BAG3: variants seen among roughly 807,000 people sequenced by gnomAD.
The protein encoded by BAG3 is BAG cochaperone 3.
Under a neutral mutation model 40.5 loss-of-function variants are expected in BAG3, and 14 were observed. The observed-to-expected ratio is 0.35, with a 90% CI of 0.23 to 0.54. The LOEUF is 0.54. BAG3 is among the 20% of genes least tolerant of loss of function. The pLI, the probability that BAG3 is intolerant of heterozygous loss-of-function variation, is 0.91. For synonymous variants in BAG3, 302 were observed against 307.8 expected, an observed-to-expected ratio of 0.98 and a Z score of 0.20; for missense variants, 788 against 758.6, an observed-to-expected ratio of 1.04 and a Z score of -0.46.
intron 1 of BAG3, among the ~76,000 whole-genome samples, chr10:119,659,915 C>T (rs760684603): frequency 7.2e-5 from 11 of 152,082 alleles, no homozygotes; most frequent in Non-Finnish European, 1.6e-4. Context: ...CAGGTGGCTC[C>T]GCTCTTTTTT....
chr10:119,653,134 A>C (rs567417881), intron 1 of BAG3, among the ~76,000 whole-genome samples: 1 of 152,330 alleles, frequency 6.6e-6, no homozygotes, highest in South Asian at 2.1e-4. Context: ...AATATTGATA[A>C]AACTCCGGTG....
rs1175160316 is a variant in BAG3 at position 119,672,996 on chromosome 10, C to T, written c.909+340C>T. Among the ~76,000 whole-genome samples the T allele has an allele frequency of 3.3e-5, 5 of 152,140 alleles. No homozygotes were observed. Among genetic ancestry groups the T allele is most frequent in the Non-Finnish European group, 7.4e-5 (5 of 68,026 alleles). On this transcript the variant is annotated intron_variant, in intron 3 of 3. Transcript: ENST00000369085. This position sits in a 1 kb window ranked among gnomAD's most constrained non-coding sequence, Gnocchi z 4.8. ...GGGCTCTTCACACCCCCATCCACAC[C>T]GCAGCCACAGCCTCACCTTGGGTGT... is the stretch of plus-strand genomic sequence containing the variant.
intron 1 of BAG3, among the ~76,000 whole-genome samples, chr10:119,668,834 A>G (rs549136498): frequency 1.3e-5 from 2 of 152,268 alleles, no homozygotes; most frequent in Non-Finnish European, 2.9e-5. Context: ...ATTCGGGGCC[A>G]TCAAGATAGG....
chr10:119,665,000 C>T lies in BAG3; in HGVS notation c.181-4851C>T, dbSNP rs1452928507. ...ATGGTGTGATCTTAGCTCACTGCAA[C>T]CTCCGCCTCCAGCTTCAAGCGATTC... On this transcript the variant is annotated intron_variant, in intron 1 of 3. Transcript: ENST00000369085. 4.0e-5 allele frequency among the ~76,000 whole-genome samples: 6 copies of T among 151,596 alleles called. No homozygotes were observed. The East Asian group carries it at 1.2e-3, about 29-fold the overall frequency.
chr10:119,652,479 GTAT>G (rs1846857006), intron 1 of BAG3, among the ~76,000 whole-genome samples: 1 of 152,186 alleles, frequency 6.6e-6, no homozygotes, highest in Non-Finnish European at 1.5e-5. Context: ...AATTAAAATT[GTAT>G]TATTGTTTGA....
rs201487919 is a variant in BAG3 at position 119,672,321 on chromosome 10, G to T, written c.574G>T (p.Gly192Cys). 6.8e-6 allele frequency: 11 copies of T among 1,613,992 alleles called. No individual in the cohort carries two copies. In the South Asian group the frequency reaches 1.1e-4, roughly 16 times the overall value. The change falls in exon 3 of 4, where the codon GGC becomes TGC. Residue 192 changes from glycine (G) to cysteine (C), a missense_variant. Coordinates refer to ENST00000369085, the MANE Select transcript of BAG3 (RefSeq NM_004281.4). This position sits in a 1 kb window ranked among gnomAD's most constrained non-coding sequence, Gnocchi z 4.8. ...SSSSASLPSS[G>C]RSSLGSHQLP... The stretch of plus-strand genomic sequence containing the variant: ...CTCCTCGGCCAGCCTGCCTTCCTCC[G>T]GCAGGAGCAGCCTGGGCAGTCACCA...
intron 1 of BAG3, among the ~76,000 whole-genome samples, chr10:119,659,383 A>AT (rs1334669061): frequency 6.6e-6 from 1 of 152,138 alleles, no homozygotes; most frequent in Non-Finnish European, 1.5e-5. Flanking sequence ...GCTGCCTGTG[A>AT]GGGGGGACAT....
intron 2 of BAG3, among the ~76,000 whole-genome samples, chr10:119,671,525 C>T (rs1316788438): frequency 5.3e-5 from 8 of 152,120 alleles, no homozygotes; most frequent in African/African-American, 1.2e-4. Context: ...GTTGCTCAGC[C>T]GAGTTCTCTG....
At chr10:119,662,930 G>A (rs1589625311) in intron 1 of BAG3, among the ~76,000 whole-genome samples, 1 of 152,316 alleles carries the variant, frequency 6.6e-6, no homozygotes, top group African/African-American at 2.4e-5. Flanking sequence ...CAGGAGAGTG[G>A]CGTGAACGCG....
intron 1 of BAG3, among the ~76,000 whole-genome samples, chr10:119,668,617 A>T (rs1847099890): frequency 6.6e-6 from 1 of 152,238 alleles, no homozygotes; most frequent in Admixed American, 6.5e-5. Context: ...GTGACTGGCC[A>T]GCCTTGTTGT....
At chr10:119,675,696 GCT>G (rs1564775793) in intron 3 of BAG3, among the ~76,000 whole-genome samples, 1 of 151,982 alleles carries the variant, frequency 6.6e-6, no homozygotes, top group Non-Finnish European at 1.5e-5. Context: ...TCAGGACTCT[GCT>G]CTGAGTCAGC....
chr10:119,670,335 A>G (rs983833661), intron 2 of BAG3, among the ~76,000 whole-genome samples, 158 bp downstream of exon 2: 1 of 152,194 alleles, frequency 6.6e-6, no homozygotes, highest in African/African-American at 2.4e-5. Flanking sequence ...CAGCAAAGAC[A>G]GGGTGATGGC....
chr10:119,674,539 A>C (rs776220740), intron 3 of BAG3, among the ~76,000 whole-genome samples: 6 of 152,250 alleles, frequency 3.9e-5, no homozygotes, highest in Admixed American at 6.5e-5. Flanking sequence ...ACCAAACTGA[A>C]CGTTATAGTG....
chr10:119,662,570 AAT>A (rs1421807743), intron 1 of BAG3, among the ~76,000 whole-genome samples: 4 of 152,212 alleles, frequency 2.6e-5, no homozygotes, highest in Admixed American at 2.6e-4. Context: ...AAACCCAGTT[AAT>A]ACAGTCTGTG....
chr10:119,670,246 C>A, intron 2 of BAG3, 69 bp downstream of exon 2: 1 of 1,511,570 alleles, frequency 6.6e-7, no homozygotes, highest in Non-Finnish European at 8.8e-7. Flanking sequence ...CGGGCCCATC[C>A]CCTCAGGACA....
chr10:119,665,141 T>TTTTTTTTTTTC lies in BAG3; in HGVS notation c.181-4710_181-4709insTTTTTTTTTTC, dbSNP rs770421648. ...GTGTGTGTGTGTATATATATATATA[T>TTTTTTTTTTTC]ATATTTTTTTTTTTAGTTGGAGTCT... On this transcript the variant is annotated intron_variant, in intron 1 of 3. Coordinates refer to ENST00000369085, the MANE Select transcript of BAG3 (RefSeq NM_004281.4). 9.1e-4 allele frequency among the ~76,000 whole-genome samples: 78 copies of TTTTTTTTTTTC among 85,888 alleles called. 1 individual carries two copies. The highest frequency in any genetic ancestry group is 3.2e-3 in the African/African-American group (70 of 22,112). The allele number at this position is 85,888 out of a possible 152,430, so 56.3% of individuals were successfully genotyped here. A position where few individuals can be genotyped will look rare whatever the true frequency, so the allele number is the denominator to read the frequency against.
intron 1 of BAG3, among the ~76,000 whole-genome samples, chr10:119,664,838 A>C (rs1240188391): frequency 6.6e-6 from 1 of 152,202 alleles, no homozygotes; most frequent in Non-Finnish European, 1.5e-5. Context: ...TTTACAAAAT[A>C]TCTCTCTTTG....
intron 1 of BAG3, among the ~76,000 whole-genome samples, chr10:119,653,108 C>T (rs1324499656): frequency 1.3e-5 from 2 of 152,198 alleles, no homozygotes; most frequent in African/African-American, 2.4e-5. Flanking sequence ...CATCTTTATG[C>T]ACTTTTTGTT....
At chr10:119,660,805 C>T (rs1355189926) in intron 1 of BAG3, among the ~76,000 whole-genome samples, 1 of 150,984 alleles carries the variant, frequency 6.6e-6, no homozygotes, top group Admixed American at 6.6e-5. Flanking sequence ...TAAAGAAATG[C>T]AATTGTGGCT....
Sources: gnomAD v4.1 joint callset for allele counts (sites outside exome capture counted in the v4.1 genomes callset) on GRCh38, gnomAD v4.1.1 for gene constraint, Gnocchi (gnomAD v3.1) non-coding constraint, MANE v1.5 for transcripts, NCBI Gene and HGNC (gene_info 2026-07-23, HGNC 2026-07-21) for gene names.